The following ITGB2 variants were observed in gnomAD, a reference collection of about 807,000 sequenced individuals.
The protein encoded by ITGB2 is integrin beta-2.
A neutral mutation model predicts 86.8 loss-of-function variants in ITGB2; 56 were observed. That is an observed-to-expected ratio of 0.65 (90% confidence interval 0.52 to 0.81). The LOEUF is 0.81. Ranked by LOEUF, ITGB2 falls within the 30% of genes least tolerant of loss-of-function variation. The pLI is 0.00. For synonymous variants in ITGB2, 457 were observed against 450.4 expected (o/e 1.01, Z -0.19); for missense variants, 948 against 1,061.2 (o/e 0.89, Z 1.48).
At chr21:44,909,548 A>C (rs930602533) in intron 3 of ITGB2, 5 of 152,424 alleles carry the variant, frequency 3.3e-5, no homozygotes, top group Non-Finnish European at 5.9e-5. Flanking sequence ...AACCTGGGTT[A>C]GGAGATTTGG....
At chr21:44,927,736 G>C (rs1024416563) in intron 1 of ITGB2, 2 of 152,362 alleles carry the variant, frequency 1.3e-5, no homozygotes, top group Admixed American at 6.5e-5. Flanking sequence ...GGCTGGCAGA[G>C]GGGAGGAGGT....
intron 5 of ITGB2, among the ~76,000 whole-genome samples, chr21:44,902,459 ATG>A (rs1161537458): frequency 2.1e-5 from 3 of 143,646 alleles, no homozygotes; most frequent in Non-Finnish European, 1.5e-5. Flanking sequence ...GCATACATTC[ATG>A]TGTGAGCATA....
chr21:44,919,020 G>GCTGAGCGTCCCCTCTCCCAGCACTCAGA (rs58007154), intron 1 of ITGB2, among the ~76,000 whole-genome samples: 1 of 149,604 alleles, frequency 6.7e-6, no homozygotes, highest in African/African-American at 2.5e-5. Context: ...AGCACTCGGA[G>GCTGAGCGTCCCCTCTCCCAGCACTCAGA]GCACCTGCAG....
chr21:44,887,871 C>T (rs1005219686), intron 14 of ITGB2, among the ~76,000 whole-genome samples: 1 of 152,216 alleles, frequency 6.6e-6, no homozygotes, highest in Non-Finnish European at 1.5e-5. Flanking sequence ...CCGCCTGCCT[C>T]GGGTCCCTTC....
At chr21:44,913,190 T>C (rs1424224115) in intron 1 of ITGB2, among the ~76,000 whole-genome samples, 1 of 151,902 alleles carries the variant, frequency 6.6e-6, no homozygotes, top group East Asian at 1.9e-4. Flanking sequence ...CTGCGCCAAG[T>C]GGGGAGGGGG....
chr21:44,889,004 G>A lies in ITGB2; in HGVS notation c.1878-109C>T, dbSNP rs565105114. 4.3e-4 allele frequency: 402 copies of A among 945,766 alleles called. 4 individuals carry two copies. In the East Asian group the frequency reaches 9.0e-3, roughly 21 times the overall value. The allele number at this position is 945,766 out of a possible 1,614,324, so 58.6% of individuals were successfully genotyped here. Reference sequence around the variant, plus strand: ...CAGGGGGGGCAGGTGGGGTTGGGGCGCCCTCAGGCCAAGGAGGGGGCCCAA... The same window carrying A: ...CAGGGGGGGCAGGTGGGGTTGGGGCACCCTCAGGCCAAGGAGGGGGCCCAA... On this transcript the variant is annotated intron_variant, in intron 13 of 15. Coordinates refer to ENST00000652462, the MANE Select transcript of ITGB2 (RefSeq NM_000211.5).
At chr21:44,888,663 C>T in intron 14 of ITGB2, 30 bp downstream of exon 14, 1 of 1,600,770 alleles carries the variant, frequency 6.2e-7, no homozygotes, top group Non-Finnish European at 8.5e-7. Flanking sequence ...AGCTCTGGAG[C>T]CGGTCCCCGC....
intron 7 of ITGB2, 82 bp from the exon 8 acceptor site, chr21:44,899,244 C>T (rs1030717606): frequency 2.8e-5 from 30 of 1,055,558 alleles, no homozygotes; most frequent in South Asian, 1.5e-4. Flanking sequence ...CCCCGCTCAG[C>T]GTCAGCCCTG....
chr21:44,922,658 GAAAA>G (rs10532717), upstream of ITGB2, among the ~76,000 whole-genome samples: 30 of 114,744 alleles, frequency 2.6e-4, no homozygotes, highest in African/African-American at 6.4e-4. Flanking sequence ...GGGTAACTGA[GAAAA>G]AAAAAAAAAA....
chr21:44,886,143 CCCT>C lies in ITGB2; in HGVS notation c.*222_*224del, dbSNP rs772191268. 1.0e-3 allele frequency: 600 copies of C among 594,872 alleles called. No individual in the cohort carries two copies. The Middle Eastern group carries it at 0.01, about 10-fold the overall frequency. The allele number at this position is 594,872 out of a possible 1,614,324, so 36.8% of individuals were successfully genotyped here. A position where few individuals can be genotyped will look rare whatever the true frequency, so the allele number is the denominator to read the frequency against. On this transcript the variant is annotated 3_prime_UTR_variant, in exon 16 of 16. Transcript: ENST00000652462. ...CCTAACCTCACCAACCTCAAGCCCT[CCCT>C]CCTCAAGTCTCCATGCAAAGACTGT...
At chr21:44,902,163 C>T (rs940124401) in intron 5 of ITGB2, among the ~76,000 whole-genome samples, 3 of 152,254 alleles carry the variant, frequency 2.0e-5, no homozygotes, top group Non-Finnish European at 2.9e-5. Flanking sequence ...ACCTAGTTCA[C>T]GTAGGTGACC....
intron 1 of ITGB2, among the ~76,000 whole-genome samples, chr21:44,918,975 C>CTCCCAGCACTCGGAGCTGAGCGTCCCCTG (rs2084252471): frequency 6.6e-6 from 1 of 152,192 alleles, no homozygotes; most frequent in African/African-American, 2.4e-5. Flanking sequence ...AGCGTCCCCT[C>CTCCCAGCACTCGGAGCTGAGCGTCCCCTG]TCCCAGCACT....
chr21:44,923,303 T>C (rs1419453164), upstream of ITGB2, among the ~76,000 whole-genome samples: 1 of 152,170 alleles, frequency 6.6e-6, no homozygotes, highest in Non-Finnish European at 1.5e-5. Flanking sequence ...ATAGAACCAA[T>C]TGCAATGCAT....
At chr21:44,913,838 A>G (rs1432510283) in intron 1 of ITGB2, among the ~76,000 whole-genome samples, 2 of 152,160 alleles carry the variant, frequency 1.3e-5, no homozygotes, top group Non-Finnish European at 2.9e-5. Context: ...AGGTGGTCGA[A>G]GGGCCTGTGC....
At chr21:44,902,531 G>T (rs972800631) in intron 5 of ITGB2, among the ~76,000 whole-genome samples, 9 of 151,894 alleles carry the variant, frequency 5.9e-5, no homozygotes, top group Non-Finnish European at 1.3e-4. Flanking sequence ...ATACATTCAC[G>T]TGTGTGAGCA....
At chr21:44,890,317 G>T in intron 11 of ITGB2, 95 bp from the exon 12 acceptor site, 1 of 1,509,432 alleles carries the variant, frequency 6.6e-7, no homozygotes, top group South Asian at 1.1e-5. Flanking sequence ...CCTTGGTGGA[G>T]AACACCCCTA....
chr21:44,899,026 T>C (rs1318708091), intron 8 of ITGB2, 41 bp downstream of exon 8: 1 of 1,498,972 alleles, frequency 6.7e-7, no homozygotes. Flanking sequence ...GGCTGAAACA[T>C]GCCCCCACCC....
intron 15 of ITGB2, 48 bp from the exon 16 acceptor site, chr21:44,886,478 A>C (rs745663222): frequency 1.1e-5 from 18 of 1,587,210 alleles, no homozygotes; most frequent in Admixed American, 5.0e-5. Context: ...AGGTTTTCAG[A>C]GCAGAATCTT....
chr21:44,889,131 C>A lies in ITGB2; in HGVS notation c.1877+145G>T, dbSNP rs535875838. On this transcript the variant is annotated intron_variant, in intron 13 of 15. Coordinates refer to ENST00000652462, the MANE Select transcript of ITGB2 (RefSeq NM_000211.5). ...GAGGGACACAGGGGCACGGCGGCCG[C>A]GGAGGGCCCCTCAGTCCAGACGCAC... 2.5e-4 allele frequency: 204 copies of A among 805,102 alleles called. 2 individuals carry two copies. The African/African-American group carries it at 3.3e-3, about 13-fold the overall frequency. The allele number at this position is 805,102 out of a possible 1,614,324, so 49.9% of individuals were successfully genotyped here.
Sources: allele counts gnomAD v4.1 joint callset (sites outside exome capture counted in the v4.1 genomes callset), GRCh38; gene constraint gnomAD v4.1.1; transcripts MANE v1.5; gene names NCBI Gene and HGNC (gene_info 2026-07-23, HGNC 2026-07-21).